The following PCNT variants were observed in gnomAD, a reference collection of about 807,000 sequenced individuals.
PCNT encodes pericentrin, also known as kendrin.
PCNT carries 319 observed loss-of-function variants against 380.4 expected under a neutral mutation model. That is an observed-to-expected ratio of 0.84 (90% CI 0.77 to 0.92). The LOEUF is 0.92. PCNT is among the 40% of genes least tolerant of loss of function. The pLI is 0.00. For missense variants in PCNT, 4,400 were observed against 4,255.3 expected (o/e 1.03, Z -0.95); for synonymous variants, 1,845 against 1,735.2 (o/e 1.06, Z -1.57).
intron 3 of PCNT, among the ~76,000 whole-genome samples, chr21:46,338,308 C>T (rs970583815): frequency 6.6e-6 from 1 of 152,200 alleles, no homozygotes; most frequent in African/African-American, 2.4e-5. Context: ...ACCAGCCGCT[C>T]TCTCCTTCCC....
In PCNT at chr21:46,346,726, C is replaced by T. The variant is rs372011069; in HGVS notation, c.721-17C>T. 33 of 1,590,736 alleles carry T rather than the reference C, an allele frequency of 2.1e-5. No homozygotes were observed. The African/African-American group carries it at 3.6e-4, about 17-fold the overall frequency. On this transcript the variant is annotated splice_polypyrimidine_tract_variant and intron_variant, in intron 4 of 46. Transcript: ENST00000359568. The stretch of plus-strand genomic sequence containing the variant: ...TCTGACCATGGGCCCTTATCAGAGG[C>T]CTTTTCTCCGCCGCAGGCCGTGCAT...
rs1279192774 is a variant in PCNT, at chr21:46,355,659, A to C, written c.1936+33A>C. 7 of 1,610,290 alleles carry C rather than the reference A, an allele frequency of 4.3e-6. No homozygotes were observed. The East Asian group carries it at 1.1e-4, about 26-fold the overall frequency. On this transcript the variant is annotated intron_variant, in intron 12 of 46. Transcript: ENST00000359568. ...CCTCCCGCCTCGCCATGGTGTCGGC[A>C]GGTCCCGGGTCTGGGGGACGTTCTC...
At chr21:46,360,755 C>CGT (rs2084686474) in intron 13 of PCNT, among the ~76,000 whole-genome samples, 2 of 147,774 alleles carry the variant, frequency 1.4e-5, no homozygotes, top group South Asian at 2.2e-4. Context: ...CCTGACTTCC[C>CGT]GATCCGCCCA....
chr21:46,359,480 G>GTTTGTTTTTT (rs2084610347), intron 13 of PCNT, among the ~76,000 whole-genome samples: 1 of 65,732 alleles, frequency 1.5e-5, no homozygotes, highest in Non-Finnish European at 3.4e-5. Flanking sequence ...AAATACACCT[G>GTTTGTTTTTT]TTTTTTTTTT....
intron 13 of PCNT, among the ~76,000 whole-genome samples, chr21:46,361,190 G>C (rs879607029): frequency 4.6e-5 from 7 of 152,214 alleles, no homozygotes; most frequent in Admixed American, 2.0e-4. Flanking sequence ...TTTGAGACCA[G>C]CCTGGCCAAC....
At chr21:46,348,383 G>C (rs1450646018) in intron 6 of PCNT, 1 of 169,286 alleles carries the variant, frequency 5.9e-6, no homozygotes, top group Non-Finnish European at 1.3e-5. Flanking sequence ...GATGGTCCCT[G>C]TGCAGAGGCT....
At chr21:46,419,229 G>A (rs2087148506) in intron 31 of PCNT, among the ~76,000 whole-genome samples, 1 of 152,088 alleles carries the variant, frequency 6.6e-6, no homozygotes, top group African/African-American at 2.4e-5. Context: ...GCAGAGTAGG[G>A]CCAGCAGCTT....
At chr21:46,410,246 T>G (rs533319473) in intron 27 of PCNT, among the ~76,000 whole-genome samples, 2 of 152,310 alleles carry the variant, frequency 1.3e-5, no homozygotes, top group Admixed American at 6.5e-5. Context: ...TAGGAAGGTG[T>G]TGTTGACAGC....
intron 31 of PCNT, among the ~76,000 whole-genome samples, chr21:46,418,590 G>T (rs1464289555): frequency 6.6e-6 from 1 of 152,236 alleles, no homozygotes; most frequent in Non-Finnish European, 1.5e-5. Flanking sequence ...ACCTTGCTCA[G>T]ATTCACCCAT....
At position 46,324,257 on chromosome 21, in the gene PCNT, G is replaced by C. The variant is rs749953818; in HGVS notation, c.29G>C (p.Arg10Thr). 1 of 1,612,116 alleles carries C rather than the reference G, an allele frequency of 6.2e-7. No homozygotes were observed. The highest frequency in any genetic ancestry group is 1.3e-5 in the African/African-American group (1 of 74,912). ...GAAGTTGAGCAAGAGCAGCGGCGCAGAAAGGTGGAGGCCGGGAGGACGAAG... is the reference window on the plus strand; with the variant it reads ...GAAGTTGAGCAAGAGCAGCGGCGCACAAAGGTGGAGGCCGGGAGGACGAAG... MEVEQEQRR[R>T]KVEAGRTKLA... The change falls in exon 1 of 47, where the codon AGA becomes ACA. Residue 10 changes from arginine (R) to threonine (T), a missense_variant. Coordinates refer to ENST00000359568, the MANE Select transcript of PCNT (RefSeq NM_006031.6).
At chr21:46,395,617 G>A (rs2086182728) in intron 21 of PCNT, among the ~76,000 whole-genome samples, 2 of 149,930 alleles carry the variant, frequency 1.3e-5, no homozygotes, top group Admixed American at 1.3e-4. Context: ...GAGACTTCAG[G>A]ACTCAGCAAC....
intron 27 of PCNT, among the ~76,000 whole-genome samples, chr21:46,407,368 G>GTT: frequency 1.1e-5 from 1 of 88,690 alleles, no homozygotes; most frequent in South Asian, 3.5e-4. Context: ...TTGAGACGGA[G>GTT]TCTTGCTCCG....
intron 27 of PCNT, among the ~76,000 whole-genome samples, chr21:46,407,801 C>G (rs1178621564): frequency 1.3e-5 from 2 of 152,094 alleles, no homozygotes; most frequent in African/African-American, 4.8e-5. Context: ...AGTAGTTTAT[C>G]CATGTTGTCA....
intron 6 of PCNT, among the ~76,000 whole-genome samples, 167 bp downstream of exon 6, chr21:46,347,679 T>C (rs1040507024): frequency 1.3e-5 from 2 of 152,232 alleles, no homozygotes; most frequent in African/African-American, 4.8e-5. Context: ...TTTATATCAT[T>C]TGTATTTGTC....
At chr21:46,372,211 GCACACAGCACATGTGCA>G (rs911554522) in intron 15 of PCNT, among the ~76,000 whole-genome samples, 3 of 139,892 alleles carry the variant, frequency 2.1e-5, no homozygotes, top group Non-Finnish European at 4.7e-5. Flanking sequence ...GAGAGCACAT[GCACACAGCACATGTGCA>G]CACACAGCAC....
intron 15 of PCNT, among the ~76,000 whole-genome samples, chr21:46,380,322 C>T (rs1160178262): frequency 1.3e-5 from 2 of 151,680 alleles, no homozygotes; most frequent in Non-Finnish European, 2.9e-5. Context: ...CCACCACACC[C>T]AGCTAATTTT....
intron 29 of PCNT, among the ~76,000 whole-genome samples, chr21:46,414,854 C>T (rs1442960037): frequency 7.0e-6 from 1 of 141,958 alleles, no homozygotes; most frequent in African/African-American, 3.0e-5. Context: ...ACACAGACAC[C>T]TACCCTCCTC....
intron 29 of PCNT, 100 bp from the exon 30 acceptor site, chr21:46,415,969 G>A: frequency 6.2e-6 from 7 of 1,127,540 alleles, no homozygotes; most frequent in Non-Finnish European, 9.3e-6. Flanking sequence ...AATCACCCGA[G>A]TGCTCCGAAA....
chr21:46,353,947 G>T, intron 10 of PCNT, 40 bp from the exon 11 acceptor site: 1 of 1,529,910 alleles, frequency 6.5e-7, no homozygotes, highest in Non-Finnish European at 9.1e-7. Context: ...ATGGAAAAGG[G>T]GTACGTGTGT....
Sources: gnomAD v4.1 joint callset for allele counts (sites outside exome capture counted in the v4.1 genomes callset) on GRCh38, gnomAD v4.1.1 for gene constraint, MANE v1.5 for transcripts, NCBI Gene and HGNC (gene_info 2026-07-23, HGNC 2026-07-21) for gene names.